The following SLC9A8 variants were observed in gnomAD, a reference collection of about 807,000 sequenced individuals.
SLC9A8 encodes sodium/hydrogen exchanger 8.
In SLC9A8, 48 loss-of-function variants were observed where a neutral mutation model predicts 66.6. That is an observed-to-expected ratio of 0.72 (90% CI 0.57 to 0.92). SLC9A8 has a LOEUF of 0.92. Ranked by LOEUF, SLC9A8 falls within the 40% of genes least tolerant of loss-of-function variation. The probability of loss-of-function intolerance (pLI) is 0.00; values close to 1 mark genes in which losing one functional copy is unlikely to be tolerated. For synonymous variants in SLC9A8, 274 were observed against 282.6 expected, an observed-to-expected ratio of 0.97 and a Z score of 0.31; for missense variants, 599 against 747.3, an observed-to-expected ratio of 0.80 and a Z score of 2.31.
chr20:49,819,523 A>G (rs1289524494), intron 2 of SLC9A8, among the ~76,000 whole-genome samples: 1 of 151,152 alleles, frequency 6.6e-6, no homozygotes, highest in Non-Finnish European at 1.5e-5. Context: ...TTTTCTGTCT[A>G]CCTCATTCTT....
At chr20:49,872,546 C>T (rs964517080) in intron 10 of SLC9A8, among the ~76,000 whole-genome samples, 2 of 151,576 alleles carry the variant, frequency 1.3e-5, no homozygotes, top group Admixed American at 6.6e-5. Context: ...AGTGCAGTGC[C>T]GCAATCTCGG....
intron 6 of SLC9A8, 47 bp from the exon 7 acceptor site, chr20:49,850,763 G>GTTTT: frequency 1.5e-6 from 2 of 1,371,634 alleles, no homozygotes; most frequent in Admixed American, 4.1e-5. Context: ...GTTCTCCAGG[G>GTTTT]TTTTTTTTTT....
rs1042756581 is a variant in SLC9A8 at position 49,892,237 on chromosome 20, A to C, written c.*4301A>C. On this transcript the variant is annotated 3_prime_UTR_variant, in exon 16 of 16. Transcript: ENST00000361573. ...TTAGAAATAAAGTGTATGCTGCTGA[A>C]TTGGAGCCAGTGTCTGTGTTCATGT... The C allele has an allele frequency of 6.6e-6, 1 of 152,266 alleles. No homozygotes were observed. Among genetic ancestry groups the C allele is most frequent in the African/African-American group, 2.4e-5 (1 of 41,446 alleles). 9.4% of individuals were successfully genotyped at this position (152,266 alleles called of 1,614,324 possible).
rs143704863 is a variant in SLC9A8, at chr20:49,824,920, G to A, written c.289+1779G>A. Reference sequence around the variant, plus strand: ...GGCCAGTGACACCAAGGGGAAGCGTGATGAGGTAGTGGGTCCTGGAAAATG... The same window carrying A: ...GGCCAGTGACACCAAGGGGAAGCGTAATGAGGTAGTGGGTCCTGGAAAATG... On this transcript the variant is annotated intron_variant, in intron 3 of 15. Coordinates refer to ENST00000361573, the MANE Select transcript of SLC9A8 (RefSeq NM_015266.3). Among the ~76,000 whole-genome samples, 69 of 152,304 alleles carry A rather than the reference G, an allele frequency of 4.5e-4. 1 individual carries two copies. In the East Asian group the frequency reaches 5.2e-3, roughly 12 times the overall value.
intron 4 of SLC9A8, among the ~76,000 whole-genome samples, chr20:49,844,607 G>A (rs2087900850): frequency 7.1e-6 from 1 of 141,136 alleles, no homozygotes; most frequent in Non-Finnish European, 1.5e-5. Flanking sequence ...AACATAGCGG[G>A]ACCCTGTATC....
chr20:49,880,078 T>C (rs924403508), intron 12 of SLC9A8, among the ~76,000 whole-genome samples: 1 of 151,792 alleles, frequency 6.6e-6, no homozygotes, highest in African/African-American at 2.4e-5. Flanking sequence ...CTGGGCAACA[T>C]AGCAAGACCT....
chr20:49,885,392 C>T lies in SLC9A8; in HGVS notation c.1491+1326C>T, dbSNP rs987365716. Among the ~76,000 whole-genome samples, 9 of 152,126 alleles carry T rather than the reference C, an allele frequency of 5.9e-5. No individual in the cohort carries two copies. The East Asian group carries it at 7.7e-4, about 13-fold the overall frequency. On this transcript the variant is annotated intron_variant, in intron 14 of 15. Coordinates refer to ENST00000361573, the MANE Select transcript of SLC9A8 (RefSeq NM_015266.3). ...ACAGGCTGAAGTGCAGTGGCGTGAT[C>T]GTGGCCCACTGCAGCCCAGACCTCT...
intron 3 of SLC9A8, among the ~76,000 whole-genome samples, chr20:49,835,852 C>CT (rs1027400735): frequency 4.0e-5 from 6 of 151,640 alleles, no homozygotes; most frequent in Non-Finnish European, 8.8e-5. Flanking sequence ...CGCCCAACTG[C>CT]TTTTTTTGTA....
chr20:49,884,282 CACACACG>C lies in SLC9A8; in HGVS notation c.1491+223_1491+229del, dbSNP rs1469608079. On this transcript the variant is annotated intron_variant, in intron 14 of 15. Coordinates refer to ENST00000361573, the MANE Select transcript of SLC9A8 (RefSeq NM_015266.3). ...ACGACACACACACACACGACACACA[CACACACG>C]ACACACACACACACACACACACACA... is the stretch of plus-strand genomic sequence containing the variant. 120 of 302,438 alleles carry C rather than the reference CACACACG, an allele frequency of 4.0e-4. 1 individual carries two copies. Among genetic ancestry groups the C allele is most frequent in the Middle Eastern group, 9.3e-4 (1 of 1,072 alleles). The allele number at this position is 302,438 out of a possible 1,614,324, so 18.7% of individuals were successfully genotyped here. A position where few individuals can be genotyped will look rare whatever the true frequency, so the allele number is the denominator to read the frequency against.
intron 3 of SLC9A8, among the ~76,000 whole-genome samples, chr20:49,827,875 A>G (rs1279247120): frequency 6.6e-6 from 1 of 152,154 alleles, no homozygotes; most frequent in African/African-American, 2.4e-5. Context: ...AATAGAATAT[A>G]CAAAAGTGCT....
chr20:49,828,502 C>T (rs1211488395), intron 3 of SLC9A8, among the ~76,000 whole-genome samples: 7 of 150,258 alleles, frequency 4.7e-5, no homozygotes, highest in East Asian at 2.0e-4. Flanking sequence ...GAATTACAGC[C>T]GTGAGCCACT....
intron 3 of SLC9A8, chr20:49,830,455 C>T: frequency 1.2e-6 from 1 of 820,946 alleles, no homozygotes; most frequent in Non-Finnish European, 2.1e-6. Context: ...GTGCTGGGCC[C>T]CAGTGGTATG....
intron 14 of SLC9A8, among the ~76,000 whole-genome samples, chr20:49,885,320 T>C (rs58580561): frequency 0.011 from 1,634 of 152,184 alleles, 43 homozygotes; most frequent in African/African-American, 0.037. Context: ...CCGAAAGAAT[T>C]TGTGTTTCTT....
chr20:49,853,135 A>G (rs745578857), intron 7 of SLC9A8, among the ~76,000 whole-genome samples: 11 of 152,174 alleles, frequency 7.2e-5, no homozygotes, highest in Admixed American at 7.2e-4. Context: ...CAGGGGTAGG[A>G]GAGGCACAGG....
At chr20:49,836,070 A>G (rs2087523314) in intron 3 of SLC9A8, among the ~76,000 whole-genome samples, 1 of 152,106 alleles carries the variant, frequency 6.6e-6, no homozygotes. Flanking sequence ...TCAAAAAGAA[A>G]CCACATGCCC....
chr20:49,830,728 C>T (rs181196464), intron 3 of SLC9A8: 16 of 717,288 alleles, frequency 2.2e-5, no homozygotes, highest in Admixed American at 1.2e-4. Flanking sequence ...GGCAACGCAG[C>T]CAAGATGATG....
chr20:49,838,675 C>T (rs975276081), intron 3 of SLC9A8, among the ~76,000 whole-genome samples: 2 of 152,082 alleles, frequency 1.3e-5, no homozygotes, highest in Admixed American at 6.6e-5. Context: ...TCGTTGATGG[C>T]GAAAGCTCCT....
chr20:49,825,442 A>T (rs1279240401), intron 3 of SLC9A8, among the ~76,000 whole-genome samples: 6 of 152,160 alleles, frequency 3.9e-5, no homozygotes. Flanking sequence ...GGAGTTCAAG[A>T]CCAGCCTGGC....
chr20:49,871,316 C>T (rs1296919301), intron 10 of SLC9A8, among the ~76,000 whole-genome samples: 1 of 152,182 alleles, frequency 6.6e-6, no homozygotes, highest in Non-Finnish European at 1.5e-5. Context: ...CCCATACTGT[C>T]TTCCTTTATT....
Sources: allele counts gnomAD v4.1 joint callset (sites outside exome capture counted in the v4.1 genomes callset), GRCh38; gene constraint gnomAD v4.1.1; transcripts MANE v1.5; gene names NCBI Gene and HGNC (gene_info 2026-07-23, HGNC 2026-07-21).